The following SLC5A4 variants were observed in gnomAD, a reference collection of about 807,000 sequenced individuals.
The protein encoded by SLC5A4 is probable glucose sensor protein SLC5A4.
SLC5A4 carries 55 observed loss-of-function variants against 70.3 expected under a neutral mutation model. The observed-to-expected ratio is 0.78, with a 90% CI of 0.63 to 0.98. The LOEUF is 0.98. Ranked by LOEUF, SLC5A4 falls within the 50% of genes least tolerant of loss-of-function variation. The probability of loss-of-function intolerance (pLI) is 0.00; values close to 1 mark genes in which losing one functional copy is unlikely to be tolerated. For synonymous variants in SLC5A4, 268 were observed against 305.7 expected (o/e 0.88, Z 1.29); for missense variants, 735 against 839.2 (o/e 0.88, Z 1.53).
the SLC5A4 span, chr22:32,270,582 G>A: frequency 4.1e-6 from 3 of 729,842 alleles, no homozygotes; most frequent in Non-Finnish European, 2.5e-6. Context: ...AGGAGATCAT[G>A]GAGCTGGACA....
the SLC5A4 span, among the ~76,000 whole-genome samples, chr22:32,349,623 G>C: frequency 1.3e-5 from 2 of 152,164 alleles, no homozygotes; most frequent in African/African-American, 4.8e-5. Context: ...ATTCCCCAAA[G>C]ATTACTGAAA....
chr22:32,324,059 G>A, the SLC5A4 span, among the ~76,000 whole-genome samples: 5 of 152,150 alleles, frequency 3.3e-5, no homozygotes, highest in Admixed American at 6.5e-5. Flanking sequence ...ATACACCTCC[G>A]TTTGGGAATG....
Position 32,234,857 on chromosome 22 carries a change from TA to T in SLC5A4, c.885+15del. Reference sequence around the variant, plus strand: ...AGACAGACAGACAGACAGACACACATATACATATACTTCACCTGATTTGTGC... The same window carrying T: ...AGACAGACAGACAGACAGACACACATTACATATACTTCACCTGATTTGTGC... On this transcript the variant is annotated intron_variant, in intron 8 of 14. Coordinates refer to ENST00000266086, the MANE Select transcript of SLC5A4 (RefSeq NM_014227.3). 6.4e-7 allele frequency: 1 copy of T among 1,550,808 alleles called. No homozygotes were observed. Among genetic ancestry groups the T allele is most frequent in the Non-Finnish European group, 8.9e-7 (1 of 1,124,572 alleles).
the SLC5A4 span, among the ~76,000 whole-genome samples, chr22:32,287,707 A>C: frequency 1.3e-5 from 2 of 151,698 alleles, no homozygotes; most frequent in Non-Finnish European, 2.9e-5. Context: ...ACTGGTCTCA[A>C]ACTCCTGACA....
chr22:32,331,879 T>C, the SLC5A4 span, among the ~76,000 whole-genome samples: 67 of 152,084 alleles, frequency 4.4e-4, no homozygotes, highest in African/African-American at 1.5e-3. Flanking sequence ...CCAGGCCCAT[T>C]GCAGTGGTCT....
the SLC5A4 span, among the ~76,000 whole-genome samples, chr22:32,321,056 G>A: frequency 6.6e-6 from 1 of 152,216 alleles, no homozygotes; most frequent in South Asian, 2.1e-4. Flanking sequence ...GGGAGGCCGA[G>A]GCAGGCGGAT....
At chr22:32,286,663 G>C in the SLC5A4 span, among the ~76,000 whole-genome samples, 2 of 152,194 alleles carry the variant, frequency 1.3e-5, no homozygotes, top group Admixed American at 6.5e-5. Context: ...GGAGGCTGGG[G>C]CATGGCAGTC....
chr22:32,288,411 C>T, the SLC5A4 span, among the ~76,000 whole-genome samples: 1 of 152,172 alleles, frequency 6.6e-6, no homozygotes, highest in African/African-American at 2.4e-5. Flanking sequence ...TGTCTTTCAT[C>T]ATGGTGACCT....
chr22:32,331,982 C>T, the SLC5A4 span, among the ~76,000 whole-genome samples: 1 of 152,124 alleles, frequency 6.6e-6, no homozygotes, highest in Non-Finnish European at 1.5e-5. Context: ...TCCCAGGCTG[C>T]TCAGCCCAGG....
chr22:32,225,603 A>G (rs1925345028), intron 12 of SLC5A4, 52 bp downstream of exon 12: 1 of 1,231,892 alleles, frequency 8.1e-7, no homozygotes, highest in Non-Finnish European at 1.2e-6. Context: ...AGTGAAATAA[A>G]CGATTTTTTT....
At chr22:32,345,162 A>G in the SLC5A4 span, among the ~76,000 whole-genome samples, 4 of 152,186 alleles carry the variant, frequency 2.6e-5, no homozygotes, top group African/African-American at 9.6e-5. Flanking sequence ...AAAAAACAAT[A>G]TTCATGATAT....
chr22:32,237,393 G>T (rs1926126303), intron 6 of SLC5A4, 69 bp from the exon 7 acceptor site: 2 of 1,054,600 alleles, frequency 1.9e-6, no homozygotes, highest in Non-Finnish European at 2.7e-6. Context: ...TTCACCACTG[G>T]GTTCTCCTCC....
At chr22:32,308,167 G>C in the SLC5A4 span, among the ~76,000 whole-genome samples, 4 of 152,138 alleles carry the variant, frequency 2.6e-5, no homozygotes, top group African/African-American at 9.7e-5. Context: ...CTGGGTTCAC[G>C]TTATGTTAAT....
chr22:32,295,380 CATT>C, the SLC5A4 span, among the ~76,000 whole-genome samples: 1 of 109,752 alleles, frequency 9.1e-6, no homozygotes, highest in African/African-American at 3.3e-5. Context: ...GATGGTATCT[CATT>C]GTGGTTTTGA....
the SLC5A4 span, among the ~76,000 whole-genome samples, chr22:32,293,891 TCAAA>T: frequency 6.6e-6 from 1 of 152,160 alleles, no homozygotes; most frequent in Non-Finnish European, 1.5e-5. Context: ...GGTTTAGAAT[TCAAA>T]CATATATACT....
At chr22:32,289,860 G>A in the SLC5A4 span, among the ~76,000 whole-genome samples, 2 of 152,208 alleles carry the variant, frequency 1.3e-5, no homozygotes, top group East Asian at 3.9e-4. Context: ...CATCTAGGCT[G>A]ATGAGTGAGA....
the SLC5A4 span, among the ~76,000 whole-genome samples, chr22:32,353,537 G>A: frequency 6.8e-6 from 1 of 147,892 alleles, no homozygotes; most frequent in South Asian, 2.1e-4. Context: ...GACGAGGACC[G>A]CTCCTCTGAC....
At chr22:32,352,578 C>T in the SLC5A4 span, among the ~76,000 whole-genome samples, 1 of 152,112 alleles carries the variant, frequency 6.6e-6, no homozygotes, top group African/African-American at 2.4e-5. Context: ...GGGAAGACTC[C>T]TCCTTCCCCT....
the SLC5A4 span, chr22:32,269,678 C>G: frequency 1.7e-6 from 1 of 596,326 alleles, no homozygotes. The surrounding 1 kb of genome is among the most constrained non-coding windows in gnomAD (Gnocchi z 4.1). Flanking sequence ...TATACCTGAA[C>G]CAGAGCATTC....
Sources: allele counts gnomAD v4.1 joint callset (sites outside exome capture counted in the v4.1 genomes callset), GRCh38; gene constraint gnomAD v4.1.1; non-coding constraint Gnocchi (gnomAD v3.1); transcripts MANE v1.5; gene names NCBI Gene and HGNC (gene_info 2026-07-23, HGNC 2026-07-21).